STAU2: variants seen among roughly 807,000 people sequenced by gnomAD.
STAU2 encodes the protein double-stranded RNA-binding protein Staufen homolog 2.
In STAU2, 20 loss-of-function variants were observed where a neutral mutation model predicts 65.9. The observed-to-expected ratio is 0.30, with a 90% confidence interval of 0.21 to 0.44. The LOEUF is 0.44. Ranked by LOEUF, STAU2 falls within the 20% of genes least tolerant of loss-of-function variation. STAU2 has a pLI of 1.00. For synonymous variants in STAU2, 232 were observed against 233.9 expected, an observed-to-expected ratio of 0.99 and a Z score of 0.07; for missense variants, 558 against 683.9, an observed-to-expected ratio of 0.82 and a Z score of 2.05.
At chr8:73,622,731 A>C (rs2129944338) in intron 6 of STAU2, among the ~76,000 whole-genome samples, 1 of 152,352 alleles carries the variant, frequency 6.6e-6, no homozygotes, top group African/African-American at 2.4e-5. Context: ...TATTGAGTGA[A>C]TGGCTGCTGA....
Position 73,716,829 on chromosome 8 carries a change from C to A in STAU2, c.-17-7667G>T, listed in dbSNP as rs137885442. Among the ~76,000 whole-genome samples, 783 of 152,176 alleles carry A rather than the reference C, an allele frequency of 5.1e-3. 8 individuals carry two copies. Among genetic ancestry groups the A allele is most frequent in the African/African-American group, 0.018 (745 of 41,504 alleles). On this transcript the variant is annotated intron_variant, in intron 3 of 14. Transcript: ENST00000524300. Reference sequence around the variant, plus strand: ...GGTAAAGATTTTCTTCTAGGCCAGGCGCGGTGGCTCACGCCTGTAATCCCA... The same window carrying A: ...GGTAAAGATTTTCTTCTAGGCCAGGAGCGGTGGCTCACGCCTGTAATCCCA...
chr8:73,649,869 T>TTATTTTTATATATATA (rs71269927), intron 6 of STAU2, among the ~76,000 whole-genome samples: 1 of 71,656 alleles, frequency 1.4e-5, no homozygotes, highest in Non-Finnish European at 2.6e-5. Context: ...CTATATAATT[T>TTATTTTTATATATATA]TATATATATA....
chr8:73,565,044 T>A (rs1346185579), intron 12 of STAU2, among the ~76,000 whole-genome samples: 1 of 152,182 alleles, frequency 6.6e-6, no homozygotes, highest in African/African-American at 2.4e-5. Context: ...TGAACTGGAA[T>A]AAGTGGGTTA....
chr8:73,668,813 A>G (rs1380653059), intron 6 of STAU2, among the ~76,000 whole-genome samples: 2 of 152,214 alleles, frequency 1.3e-5, no homozygotes, highest in African/African-American at 4.8e-5. Context: ...TCCACTCATC[A>G]TTAAAAAAGA....
intron 4 of STAU2, among the ~76,000 whole-genome samples, chr8:73,694,882 C>T (rs1314596135): frequency 6.6e-6 from 1 of 152,204 alleles, no homozygotes; most frequent in African/African-American, 2.4e-5. Context: ...CTGGACTCAG[C>T]CAGCACCTGC....
intron 3 of STAU2, among the ~76,000 whole-genome samples, chr8:73,718,773 C>G (rs1821436559): frequency 6.6e-6 from 1 of 152,174 alleles, no homozygotes; most frequent in Non-Finnish European, 1.5e-5. Context: ...AGACTTATCT[C>G]TAAGTAGTTC....
chr8:73,677,983 CTTGCTTTACATTATATGCCT>C (rs889631144), intron 5 of STAU2, among the ~76,000 whole-genome samples: 8 of 152,110 alleles, frequency 5.3e-5, no homozygotes, highest in African/African-American at 1.2e-4. Context: ...ATTAACTGCT[CTTGCTTTACATTATATGCCT>C]TTGCTTTACA....
intron 3 of STAU2, among the ~76,000 whole-genome samples, chr8:73,716,179 C>T (rs1414188456): frequency 1.3e-5 from 2 of 151,962 alleles, no homozygotes; most frequent in Non-Finnish European, 2.9e-5. Context: ...AGCTCCGCCT[C>T]CCGGGTTCAC....
chr8:73,554,973 T>TA (rs201540338), intron 12 of STAU2, among the ~76,000 whole-genome samples: 2 of 152,238 alleles, frequency 1.3e-5, no homozygotes, highest in East Asian at 1.9e-4. Flanking sequence ...CACATGCACA[T>TA]ACTCTCTTAG....
At chr8:73,591,943 G>A (rs1810848057) in intron 11 of STAU2, among the ~76,000 whole-genome samples, 2 of 119,586 alleles carry the variant, frequency 1.7e-5, no homozygotes, top group Non-Finnish European at 3.4e-5. Flanking sequence ...AACCCAACTT[G>A]TCAAAATGTG....
intron 6 of STAU2, among the ~76,000 whole-genome samples, chr8:73,628,788 T>C (rs1353846405): frequency 6.6e-6 from 1 of 152,232 alleles, no homozygotes; most frequent in African/African-American, 2.4e-5. Context: ...TTTTATAATG[T>C]CTATAATAAA....
chr8:73,494,975 G>T (rs550497631), intron 13 of STAU2, among the ~76,000 whole-genome samples: 2 of 151,612 alleles, frequency 1.3e-5, no homozygotes, highest in Non-Finnish European at 3.0e-5. Flanking sequence ...AGCCCAGAAG[G>T]TCATGTGTAA....
intron 11 of STAU2, among the ~76,000 whole-genome samples, chr8:73,583,815 T>C (rs1275347289): frequency 1.3e-5 from 2 of 152,220 alleles, no homozygotes; most frequent in African/African-American, 2.4e-5. Flanking sequence ...ATAAAATACA[T>C]TCTGAAATGT....
chr8:73,512,155 C>T (rs1223778067), intron 13 of STAU2, among the ~76,000 whole-genome samples: 1 of 152,148 alleles, frequency 6.6e-6, no homozygotes, highest in African/African-American at 2.4e-5. Context: ...TGTAGTTTTA[C>T]AGTAAAACTT....
At chr8:73,541,899 C>A (rs1806569515) in intron 13 of STAU2, among the ~76,000 whole-genome samples, 2 of 151,800 alleles carry the variant, frequency 1.3e-5, no homozygotes, top group Non-Finnish European at 2.9e-5. Flanking sequence ...TTACATAATC[C>A]AAAAGACTAA....
At chr8:73,547,896 T>C (rs1408003711) in intron 13 of STAU2, among the ~76,000 whole-genome samples, 1 of 151,808 alleles carries the variant, frequency 6.6e-6, no homozygotes, top group Non-Finnish European at 1.5e-5. Context: ...ATCAAAAATA[T>C]TAAAAAAGAA....
At chr8:73,556,597 A>G (rs1807789430) in intron 12 of STAU2, among the ~76,000 whole-genome samples, 1 of 152,156 alleles carries the variant, frequency 6.6e-6, no homozygotes, top group Non-Finnish European at 1.5e-5. Context: ...CTCTACTAAA[A>G]ATACAAAAAA....
At chr8:73,520,632 G>C (rs1461569513) in intron 13 of STAU2, among the ~76,000 whole-genome samples, 3 of 152,170 alleles carry the variant, frequency 2.0e-5, no homozygotes, top group Admixed American at 2.0e-4. Flanking sequence ...TTGAGGGAAA[G>C]ATAGCTGGAG....
At chr8:73,575,035 C>G (rs1809423882) in intron 12 of STAU2, among the ~76,000 whole-genome samples, 1 of 149,422 alleles carries the variant, frequency 6.7e-6, no homozygotes, top group Non-Finnish European at 1.5e-5. Flanking sequence ...AAATGTCATT[C>G]AAATATATTA....
Sources: gnomAD v4.1 joint callset for allele counts (sites outside exome capture counted in the v4.1 genomes callset) on GRCh38, gnomAD v4.1.1 for gene constraint, MANE v1.5 for transcripts, NCBI Gene and HGNC (gene_info 2026-07-23, HGNC 2026-07-21) for gene names.